Variants in PIAS2 observed in about 807,000 individuals in gnomAD.
The protein encoded by PIAS2 is protein inhibitor of activated STAT 2.
A neutral mutation model predicts 69.7 loss-of-function variants in PIAS2; 19 were observed. The ratio of observed to expected loss-of-function variants is 0.27; its 90% confidence interval spans 0.19 to 0.40. PIAS2 has a LOEUF of 0.40. PIAS2 is among the 10% of genes least tolerant of loss of function. The pLI is 1.00. For missense variants in PIAS2, 624 were observed against 757.0 expected (o/e 0.82, Z 2.06); for synonymous variants, 261 against 263.2 (o/e 0.99, Z 0.08).
At chr18:46,866,897 C>T (rs2049565006) in intron 2 of PIAS2, among the ~76,000 whole-genome samples, 1 of 152,308 alleles carries the variant, frequency 6.6e-6, no homozygotes, top group African/African-American at 2.4e-5. Flanking sequence ...GCACAAGACC[C>T]TCTGTGAATT....
At chr18:46,894,778 A>C (rs1193048901) in intron 1 of PIAS2, among the ~76,000 whole-genome samples, 2 of 152,268 alleles carry the variant, frequency 1.3e-5, no homozygotes, top group African/African-American at 4.8e-5. Flanking sequence ...TAGGTAGAAA[A>C]TACCTCATTA....
rs1176062265 is a variant in PIAS2, at chr18:46,854,737, CCCA to C, written c.726+605_726+607del. Among the ~76,000 whole-genome samples the C allele has an allele frequency of 3.3e-5, 5 of 152,226 alleles. No homozygotes were observed. The East Asian group carries it at 7.7e-4, about 24-fold the overall frequency. ...TGTCAACCAACTATTATTGCACCCA[CCCA>C]CCACAAGTGAATGCATCATCAAGGC... is the stretch of plus-strand genomic sequence containing the variant. On this transcript the variant is annotated intron_variant, in intron 5 of 13. Transcript: ENST00000585916.
At chr18:46,821,451 C>A (rs2042169804) in intron 11 of PIAS2, among the ~76,000 whole-genome samples, 1 of 152,074 alleles carries the variant, frequency 6.6e-6, no homozygotes, top group East Asian at 1.9e-4. Context: ...CATAGAAGAT[C>A]CCTAAGGTTT....
chr18:46,855,373 T>C lies in PIAS2; in HGVS notation c.698A>G (p.Lys233Arg). 1 of 1,611,614 alleles carries C rather than the reference T, an allele frequency of 6.2e-7. No individual in the cohort carries two copies. The highest frequency in any genetic ancestry group is 1.1e-5 in the South Asian group (1 of 90,570). The change falls in exon 5 of 14, where the codon AAA (lysine) becomes AGA (arginine). Residue 233 changes from lysine (K) to arginine (R), a missense_variant. Physicochemically the swap from Lys to Arg is conservative, Grantham distance 26 (BLOSUM62 2). This residue lies in a region of PIAS2 where 339 missense variants were observed against 408.8 expected (regional missense o/e 0.83). Coordinates refer to ENST00000585916, the MANE Select transcript of PIAS2 (RefSeq NM_004671.5). ...EDNYPNSLCI[K>R]VNGKLFPLPG... ...CAAAGGAAATAGCTTCCCATTTACT[T>C]TTATACATAGACTATTTGGATAGTT...
At chr18:46,883,473 CAGA>C (rs1054935604) in intron 2 of PIAS2, among the ~76,000 whole-genome samples, 4 of 151,918 alleles carry the variant, frequency 2.6e-5, no homozygotes, top group Admixed American at 1.3e-4. Flanking sequence ...GGGGCCGGGG[CAGA>C]AGGATAGCTT....
chr18:46,900,572 G>A (rs868302115), intron 1 of PIAS2, among the ~76,000 whole-genome samples: 1 of 152,008 alleles, frequency 6.6e-6, no homozygotes. Flanking sequence ...GATTACTTAG[G>A]AGGCTGAGGC....
intron 1 of PIAS2, chr18:46,914,910 T>C (rs2057649733): frequency 1.3e-5 from 2 of 152,194 alleles, no homozygotes; most frequent in African/African-American, 4.8e-5. Context: ...CCAAGGACCA[T>C]CATTTTGAGA....
intron 8 of PIAS2, among the ~76,000 whole-genome samples, chr18:46,840,120 C>T (rs2045136792): frequency 6.6e-6 from 1 of 151,856 alleles, no homozygotes; most frequent in Middle Eastern, 3.4e-3. Flanking sequence ...GAGATCGTGC[C>T]ACTGCACTTC....
At chr18:46,896,017 T>C (rs939163844) in intron 1 of PIAS2, among the ~76,000 whole-genome samples, 5 of 151,966 alleles carry the variant, frequency 3.3e-5, no homozygotes, top group Non-Finnish European at 7.4e-5. Context: ...AAATGCTACA[T>C]TCCAAATTCA....
intron 12 of PIAS2, among the ~76,000 whole-genome samples, chr18:46,819,378 G>A (rs2041921574): frequency 6.6e-6 from 1 of 152,042 alleles, no homozygotes. Context: ...TGCTAGCTGG[G>A]TCTACAAAGA....
intron 11 of PIAS2, among the ~76,000 whole-genome samples, chr18:46,823,620 T>C: frequency 1.3e-5 from 2 of 152,328 alleles, no homozygotes; most frequent in Middle Eastern, 3.4e-3. Context: ...ACCAAAAGGT[T>C]GACTGTCAAA....
At position 46,816,183 on chromosome 18, in the gene PIAS2, G is replaced by A. The variant is rs12606208; in HGVS notation, c.1649-834C>T. ...GACAGGCCAATTTCTATTCAATTCC[G>A]TGAATTTTTATGCTGGCATTCAGAG... On this transcript the variant is annotated intron_variant, in intron 12 of 13. Transcript: ENST00000585916. 61 of 985,154 alleles carry A rather than the reference G, an allele frequency of 6.2e-5. 1 individual carries two copies. In the East Asian group the frequency reaches 4.2e-3, roughly 68 times the overall value. The allele number at this position is 985,154 out of a possible 1,614,324, so 61.0% of individuals were successfully genotyped here. A position where few individuals can be genotyped will look rare whatever the true frequency, so the allele number is the denominator to read the frequency against.
Position 46,917,482 on chromosome 18 carries a change from C to A in PIAS2, c.-137G>T, listed in dbSNP as rs1273286374. 6 of 1,206,684 alleles carry A rather than the reference C, an allele frequency of 5.0e-6. No homozygotes were observed. Among genetic ancestry groups the A allele is most frequent in the Admixed American group, 4.6e-5 (1 of 21,952 alleles). The allele number at this position is 1,206,684 out of a possible 1,614,324, so 74.7% of individuals were successfully genotyped here. On this transcript the variant is annotated 5_prime_UTR_variant, in exon 1 of 14. Coordinates refer to ENST00000585916, the MANE Select transcript of PIAS2 (RefSeq NM_004671.5). Reference sequence around the variant, plus strand: ...GCGCCGCTTAAGACGCCGCGGCCGCCGCCGCTACAGCCGGGCCCGTCACGT... The same window carrying A: ...GCGCCGCTTAAGACGCCGCGGCCGCAGCCGCTACAGCCGGGCCCGTCACGT...
chr18:46,846,687 C>T lies in PIAS2; in HGVS notation c.861+20G>A, dbSNP rs773087451. 6.2e-7 allele frequency: 1 copy of T among 1,600,074 alleles called. No individual in the cohort carries two copies. The highest frequency in any genetic ancestry group is 8.5e-7 in the Non-Finnish European group (1 of 1,173,062). Reference sequence around the variant, plus strand: ...CTCAGTGGGGTCACTGTCCTGCTACCCAAAACGGAGAGCTTTTACCTTCCC... The same window carrying T: ...CTCAGTGGGGTCACTGTCCTGCTACTCAAAACGGAGAGCTTTTACCTTCCC... On this transcript the variant is annotated intron_variant, in intron 6 of 13. Transcript: ENST00000585916.
intron 5 of PIAS2, among the ~76,000 whole-genome samples, chr18:46,850,197 A>G (rs2046762386): frequency 1.3e-5 from 2 of 151,786 alleles, no homozygotes; most frequent in African/African-American, 4.8e-5. Context: ...ACTCTACCCA[A>G]CTCCCACTCT....
chr18:46,821,154 A>C, intron 11 of PIAS2, 82 bp from the exon 12 acceptor site: 12 of 1,447,226 alleles, frequency 8.3e-6, no homozygotes, highest in East Asian at 2.3e-5. Flanking sequence ...GGGCATTCTC[A>C]GTCGTTCGTT....
chr18:46,891,611 T>C lies in PIAS2; in HGVS notation c.25-557A>G, dbSNP rs958710542. On this transcript the variant is annotated intron_variant, in intron 1 of 13. Transcript: ENST00000585916. Reference sequence around the variant, plus strand: ...ACAAACAAACAACATAATAAAGATATTTTAAAATATTAAAGCTAAAAAATC... The same window carrying C: ...ACAAACAAACAACATAATAAAGATACTTTAAAATATTAAAGCTAAAAAATC... 8.3e-6 allele frequency: 6 copies of C among 723,090 alleles called. No individual in the cohort carries two copies. The African/African-American group carries it at 9.6e-5, about 12-fold the overall frequency. 44.8% of individuals were successfully genotyped at this position (723,090 alleles called of 1,614,324 possible).
chr18:46,918,308 G>C (rs1399917441), upstream of PIAS2, among the ~76,000 whole-genome samples: 1 of 152,086 alleles, frequency 6.6e-6, no homozygotes, highest in Admixed American at 6.5e-5. Flanking sequence ...GAATTGGGTG[G>C]AACCCACACA....
intron 5 of PIAS2, among the ~76,000 whole-genome samples, chr18:46,852,228 T>C (rs560002743): frequency 1.9e-4 from 29 of 152,342 alleles, no homozygotes; most frequent in African/African-American, 6.5e-4. Flanking sequence ...TGGTTTAAGA[T>C]GTTTTCCATC....
Sources: gnomAD v4.1 joint callset for allele counts (sites outside exome capture counted in the v4.1 genomes callset) on GRCh38, gnomAD v4.1.1 for gene constraint, gnomAD v4.1.1 regional missense constraint, MANE v1.5 for transcripts, NCBI Gene and HGNC (gene_info 2026-07-23, HGNC 2026-07-21) for gene names.